Variants in MGAM2 observed in about 807,000 individuals in gnomAD.
MGAM2 encodes maltase-glucoamylase 2 (putative).
In MGAM2, 98 loss-of-function variants were observed where a neutral mutation model predicts 96.1. The ratio of observed to expected loss-of-function variants is 1.02; its 90% CI spans 0.87 to 1.21. The LOEUF (loss-of-function observed/expected upper bound fraction) is 1.21, where lower values mean the gene tolerates loss of function less well. Among genes scored for constraint, MGAM2 ranks in the 50% most tolerant of loss-of-function variants. MGAM2 has a pLI of 0.00. For missense variants in MGAM2, 2,055 were observed against 1,182.4 expected (o/e 1.74, Z -10.82); for synonymous variants, 749 against 414.8 (o/e 1.81, Z -9.79).
At chr7:142,162,173 T>C (rs1795907993) in intron 23 of MGAM2, among the ~76,000 whole-genome samples, 169 bp downstream of exon 23, 1 of 152,150 alleles carries the variant, frequency 6.6e-6, no homozygotes, top group South Asian at 2.1e-4. Context: ...TGTGTCAGGC[T>C]TATAAGCTGC....
intron 23 of MGAM2, among the ~76,000 whole-genome samples, chr7:142,164,483 T>TA (rs894982852): frequency 6.6e-6 from 1 of 152,072 alleles, no homozygotes; most frequent in African/African-American, 2.4e-5. Flanking sequence ...GGAAGAAAAT[T>TA]ACTTGGGCCC....
At chr7:142,173,611 A>C (rs925890834) in intron 31 of MGAM2, among the ~76,000 whole-genome samples, 5 of 152,234 alleles carry the variant, frequency 3.3e-5, no homozygotes, top group African/African-American at 9.6e-5. Flanking sequence ...ATTCTTTTCC[A>C]AATTTTGGCT....
At chr7:142,137,383 GTT>G (rs1237486160) in intron 8 of MGAM2, 48 bp from the exon 9 acceptor site, 1 of 658,428 alleles carries the variant, frequency 1.5e-6, no homozygotes, top group Admixed American at 2.3e-5. Flanking sequence ...GCAGAGAAGA[GTT>G]TACTTCCAAC....
At chr7:142,146,064 T>C (rs13224443) in intron 14 of MGAM2, among the ~76,000 whole-genome samples, 31,058 of 151,742 alleles carry the variant, frequency 0.2, 3,292 homozygotes, top group East Asian at 0.26. Context: ...TACTGTTTGC[T>C]TTTTCGACTT....
At position 142,114,182 on chromosome 7, in the gene MGAM2, G is replaced by GAA. The variant is rs1414821105; in HGVS notation, c.-1+2377_-1+2378dup. Among the ~76,000 whole-genome samples the GAA allele has an allele frequency of 2.3e-5, 3 of 129,464 alleles. 1 individual carries two copies. Among genetic ancestry groups the GAA allele is most frequent in the Non-Finnish European group, 4.7e-5 (3 of 63,380 alleles). 84.9% of individuals were successfully genotyped at this position (129,464 alleles called of 152,430 possible). The stretch of plus-strand genomic sequence containing the variant: ...AGAAAGAAAGAAAGAAAGAAAGAAA[G>GAA]AAAGAAAGAAAGAAAGAAAGAAAGA... On this transcript the variant is annotated intron_variant, in intron 1 of 47. Coordinates refer to ENST00000477922, the MANE Select transcript of MGAM2 (RefSeq NM_001293626.2).
intron 6 of MGAM2, among the ~76,000 whole-genome samples, chr7:142,132,411 AATAAT>A (rs1200423209): frequency 7.0e-6 from 1 of 141,938 alleles, no homozygotes; most frequent in East Asian, 2.0e-4. Context: ...ATAATATAAT[AATAAT>A]ATATTATTAC....
chr7:142,113,575 A>C (rs1023644738), intron 1 of MGAM2, among the ~76,000 whole-genome samples: 2 of 152,140 alleles, frequency 1.3e-5, no homozygotes, highest in Non-Finnish European at 2.9e-5. Context: ...AATTATTTGA[A>C]GAACAGATAA....
rs1320773902 is a variant in MGAM2 at position 142,154,860 on chromosome 7, A to C, written c.1923+15A>C. 4 of 702,584 alleles carry C rather than the reference A, an allele frequency of 5.7e-6. No homozygotes were observed. The East Asian group carries it at 1.1e-4, about 19-fold the overall frequency. 43.5% of individuals were successfully genotyped at this position (702,584 alleles called of 1,614,324 possible). A position where few individuals can be genotyped will look rare whatever the true frequency, so the allele number is the denominator to read the frequency against. ...CTGGGTTCAGGGTAAGGTCACCAAA[A>C]GAAGTGATGGAAACTTTTTGGATTA... On this transcript the variant is annotated intron_variant, in intron 17 of 47. Transcript: ENST00000477922.
Position 142,132,098 on chromosome 7 carries a change from A to C in MGAM2, c.575+13A>C, listed in dbSNP as rs906116374. On this transcript the variant is annotated intron_variant, in intron 6 of 47. Transcript: ENST00000477922. The stretch of plus-strand genomic sequence containing the variant: ...ACAGAAGAGTCTTGTGAGCTTTTCA[A>C]CCCTCTTGGTGCATCTTTGAACACA... The C allele has an allele frequency of 2.9e-6, 2 of 699,342 alleles. No homozygotes were observed. The highest frequency in any genetic ancestry group is 1.8e-5 in the African/African-American group (1 of 56,944). 43.3% of individuals were successfully genotyped at this position (699,342 alleles called of 1,614,324 possible).
chr7:142,216,813 C>A (rs1797774980), intron 46 of MGAM2, among the ~76,000 whole-genome samples: 2 of 152,120 alleles, frequency 1.3e-5, no homozygotes, highest in African/African-American at 4.8e-5. Flanking sequence ...TTTTCTCTTC[C>A]TACTGCAGCC....
intron 19 of MGAM2, 38 bp downstream of exon 19, chr7:142,158,370 A>C: frequency 1.4e-6 from 1 of 702,588 alleles, no homozygotes; most frequent in Admixed American, 2.0e-5. Flanking sequence ...GGGGTATTGC[A>C]CTTGTCCTCA....
intron 3 of MGAM2, 39 bp from the exon 4 acceptor site, chr7:142,130,909 C>T: frequency 2.9e-6 from 2 of 687,620 alleles, no homozygotes; most frequent in Non-Finnish European, 5.4e-6. Flanking sequence ...CTTTCCTTCC[C>T]TCAGTTTATA....
chr7:142,132,866 A>G (rs1373760598), intron 6 of MGAM2, among the ~76,000 whole-genome samples: 2 of 129,518 alleles, frequency 1.5e-5, no homozygotes, highest in Non-Finnish European at 1.5e-5. Flanking sequence ...ATTATATATT[A>G]AATTAAATAT....
Position 142,198,650 on chromosome 7 carries a change from C to T in MGAM2, c.4959C>T (p.Ile1653=). ...TSSTSTGQRK[I]LKAPLDHINL... ...GCACATCAACAGGTCAGAGGAAAAT[C>T]CTGAAGGCTCCCCTTGACCACATCA... The change falls in exon 44 of 48, where the codon ATC becomes ATT. Residue 1653 remains isoleucine, a synonymous_variant. Coordinates refer to ENST00000477922, the MANE Select transcript of MGAM2 (RefSeq NM_001293626.2). 1 of 703,388 alleles carries T rather than the reference C, an allele frequency of 1.4e-6. No homozygotes were observed. Among genetic ancestry groups the T allele is most frequent in the Non-Finnish European group, 2.6e-6 (1 of 384,986 alleles). The allele number at this position is 703,388 out of a possible 1,614,324, so 43.6% of individuals were successfully genotyped here.
At chr7:142,146,147 T>G (rs576094120) in intron 14 of MGAM2, among the ~76,000 whole-genome samples, 4 of 149,678 alleles carry the variant, frequency 2.7e-5, no homozygotes, top group African/African-American at 9.8e-5. Flanking sequence ...ATCATGTTTT[T>G]TTTTTTTTTT....
At chr7:142,127,936 G>A (rs549040882) in intron 3 of MGAM2, among the ~76,000 whole-genome samples, 36 of 152,288 alleles carry the variant, frequency 2.4e-4, no homozygotes, top group African/African-American at 5.8e-4. Context: ...ATGTGGAAGC[G>A]ACTTTGGAAT....
At chr7:142,176,095 C>CAAAAAA (rs61345348) in intron 32 of MGAM2, among the ~76,000 whole-genome samples, 22,941 of 130,786 alleles carry the variant, frequency 0.18, 2,084 homozygotes, top group East Asian at 0.31. Flanking sequence ...CTGAAGATAG[C>CAAAAAA]AAAAAAAAAA....
At chr7:142,162,029 A>G in intron 23 of MGAM2, 25 bp downstream of exon 23, 2 of 687,978 alleles carry the variant, frequency 2.9e-6, no homozygotes, top group Non-Finnish European at 5.3e-6. Context: ...TGAGGAACAC[A>G]CAGCATATGT....
chr7:142,140,447 G>A (rs1427849496), intron 10 of MGAM2, among the ~76,000 whole-genome samples: 1 of 152,130 alleles, frequency 6.6e-6, no homozygotes, highest in Non-Finnish European at 1.5e-5. Flanking sequence ...TTAGTACATG[G>A]TTATAACATT....
Sources: gnomAD v4.1 joint callset for allele counts (sites outside exome capture counted in the v4.1 genomes callset) on GRCh38, gnomAD v4.1.1 for gene constraint, MANE v1.5 for transcripts, NCBI Gene and HGNC (gene_info 2026-07-23, HGNC 2026-07-21) for gene names.